BABAM2: variants seen among roughly 807,000 people sequenced by gnomAD.
The protein encoded by BABAM2 is BRISC and BRCA1-A complex member 2.
A neutral mutation model predicts 54.7 loss-of-function variants in BABAM2; 31 were observed. That is an observed-to-expected ratio of 0.57 (90% CI 0.43 to 0.77). BABAM2 has a LOEUF of 0.77. Among genes scored for constraint, BABAM2 ranks in the 30% least tolerant of loss-of-function variants. The pLI is 0.00. For missense variants in BABAM2, 364 were observed against 455.8 expected (o/e 0.80, Z 1.83); for synonymous variants, 167 against 162.9 (o/e 1.03, Z -0.19).
chr2:27,896,963 T>G (rs919694062), intron 2 of BABAM2: 2 of 156,248 alleles, frequency 1.3e-5, no homozygotes, highest in African/African-American at 4.8e-5. Flanking sequence ...ATGAAGCTGA[T>G]TTTTCAAGGT....
At chr2:28,186,557 G>A (rs1308753950) in intron 7 of BABAM2, among the ~76,000 whole-genome samples, 1 of 151,956 alleles carries the variant, frequency 6.6e-6, no homozygotes, top group Non-Finnish European at 1.5e-5. Context: ...CTTGAGCCCA[G>A]GAGTTCAGGC....
At chr2:28,031,667 A>G (rs1412656673) in intron 5 of BABAM2, among the ~76,000 whole-genome samples, 1 of 152,222 alleles carries the variant, frequency 6.6e-6, no homozygotes, top group East Asian at 1.9e-4. Context: ...ACAATACTGG[A>G]TAGATTACAT....
At chr2:27,944,481 T>C (rs1669149145) in intron 3 of BABAM2, among the ~76,000 whole-genome samples, 1 of 152,190 alleles carries the variant, frequency 6.6e-6, no homozygotes, top group African/African-American at 2.4e-5. Context: ...TGGAATAATA[T>C]ATTATGTAGT....
intron 4 of BABAM2, among the ~76,000 whole-genome samples, chr2:28,006,811 C>A (rs1271506179): frequency 6.6e-6 from 1 of 151,876 alleles, no homozygotes; most frequent in Non-Finnish European, 1.5e-5. Flanking sequence ...TCTGTAACCT[C>A]TGTATACGAT....
intron 7 of BABAM2, among the ~76,000 whole-genome samples, chr2:28,179,853 T>A (rs1675427292): frequency 6.6e-6 from 1 of 151,928 alleles, no homozygotes; most frequent in Admixed American, 6.6e-5. Flanking sequence ...AGGAAAAGAA[T>A]AAGACAATCT....
chr2:27,898,926 T>C (rs907910971), intron 2 of BABAM2, among the ~76,000 whole-genome samples: 1 of 151,768 alleles, frequency 6.6e-6, no homozygotes, highest in Admixed American at 6.6e-5. Context: ...GATTTTATGG[T>C]ATGTAAATTA....
At chr2:28,149,662 A>G (rs191337733) in intron 7 of BABAM2, among the ~76,000 whole-genome samples, 2 of 152,228 alleles carry the variant, frequency 1.3e-5, no homozygotes, top group Admixed American at 6.5e-5. Context: ...ACGCCTGTAC[A>G]GTTGCCACTT....
At chr2:28,163,954 A>G (rs1405806205) in intron 7 of BABAM2, among the ~76,000 whole-genome samples, 1 of 152,174 alleles carries the variant, frequency 6.6e-6, no homozygotes, top group Non-Finnish European at 1.5e-5. Context: ...CTTAGAAACT[A>G]TCAGGTGGTA....
chr2:28,107,138 C>T (rs1005441202), intron 6 of BABAM2, among the ~76,000 whole-genome samples: 2 of 152,134 alleles, frequency 1.3e-5, no homozygotes, highest in East Asian at 1.9e-4. Flanking sequence ...CTCCTGCCCC[C>T]TCCCTTGGGT....
chr2:28,145,455 A>G (rs1465392842), intron 7 of BABAM2, among the ~76,000 whole-genome samples: 1 of 152,240 alleles, frequency 6.6e-6, no homozygotes, highest in Non-Finnish European at 1.5e-5. Context: ...AAAGGAAAAT[A>G]CACTGTAGCA....
chr2:28,009,046 T>C (rs1332877390), intron 4 of BABAM2, among the ~76,000 whole-genome samples: 3 of 152,120 alleles, frequency 2.0e-5, no homozygotes, highest in Non-Finnish European at 4.4e-5. Context: ...AGTCAATGGA[T>C]TGTATGTGAA....
intron 3 of BABAM2, among the ~76,000 whole-genome samples, chr2:27,974,618 G>T (rs780086785): frequency 6.6e-6 from 1 of 152,024 alleles, no homozygotes; most frequent in Non-Finnish European, 1.5e-5. Flanking sequence ...AACTTATAAA[G>T]GACATCTACC....
At chr2:28,233,097 G>A (rs753553604) in intron 7 of BABAM2, 11 of 382,318 alleles carry the variant, frequency 2.9e-5, no homozygotes, top group African/African-American at 2.3e-4. Context: ...AGAGAGAGAA[G>A]GTACCTTCTC....
intron 7 of BABAM2, among the ~76,000 whole-genome samples, chr2:28,184,231 T>A (rs1363315280): frequency 2.0e-5 from 3 of 150,808 alleles, no homozygotes; most frequent in African/African-American, 7.3e-5. Flanking sequence ...TCTGTCTCTG[T>A]CTCTGTGTCT....
At chr2:28,125,531 A>G (rs1393664758) in intron 6 of BABAM2, among the ~76,000 whole-genome samples, 1 of 152,036 alleles carries the variant, frequency 6.6e-6, no homozygotes, top group African/African-American at 2.4e-5. Flanking sequence ...GACCTCAGGT[A>G]ATCCACCCAC....
At chr2:28,175,578 G>A (rs1558407064) in intron 7 of BABAM2, among the ~76,000 whole-genome samples, 2 of 152,246 alleles carry the variant, frequency 1.3e-5, no homozygotes, top group Non-Finnish European at 2.9e-5. Flanking sequence ...TCTACCTGGA[G>A]TCCTGGGGAT....
At chr2:28,192,952 C>T (rs573730853) in intron 7 of BABAM2, among the ~76,000 whole-genome samples, 8 of 151,956 alleles carry the variant, frequency 5.3e-5, no homozygotes, top group East Asian at 2.0e-4. Flanking sequence ...ATGGGTGGAT[C>T]GCCTGAGGTC....
intron 6 of BABAM2, among the ~76,000 whole-genome samples, chr2:28,119,857 T>C (rs968716156): frequency 1.3e-5 from 2 of 152,122 alleles, no homozygotes; most frequent in African/African-American, 4.8e-5. Flanking sequence ...CTGTAGGAAG[T>C]AGCTATTTCA....
chr2:28,251,515 A>G (rs1387228134), intron 10 of BABAM2, among the ~76,000 whole-genome samples: 1 of 152,200 alleles, frequency 6.6e-6, no homozygotes, highest in African/African-American at 2.4e-5. Flanking sequence ...ACTAAAACAC[A>G]AAGCTGTCGT....
Sources: gnomAD v4.1 joint callset for allele counts (sites outside exome capture counted in the v4.1 genomes callset) on GRCh38, gnomAD v4.1.1 for gene constraint, MANE v1.5 for transcripts, NCBI Gene and HGNC (gene_info 2026-07-23, HGNC 2026-07-21) for gene names.